ACTBL2: variants seen among roughly 807,000 people sequenced by gnomAD.
ACTBL2 encodes the protein beta-actin-like protein 2.
ACTBL2 carries 29 observed loss-of-function variants against 23.2 expected under a neutral mutation model. The ratio of observed to expected loss-of-function variants is 1.25; its 90% confidence interval spans 0.93 to 1.71. The LOEUF is 1.71. ACTBL2 is among the 40% of genes most tolerant of loss of function. The pLI is 0.00. For synonymous variants in ACTBL2, 173 were observed against 182.1 expected (o/e 0.95, Z 0.40); for missense variants, 524 against 486.2 (o/e 1.08, Z -0.73).
Position 57,482,795 on chromosome 5 carries a change from GA to G in ACTBL2, c.-89del. ...AAGTGAACAGGCCTAAAACACTCCAGAAATGCTTTCAGACACGGGAGGCTGC... is the reference window on the plus strand; with the variant it reads ...AAGTGAACAGGCCTAAAACACTCCAGAATGCTTTCAGACACGGGAGGCTGC... On this transcript the variant is annotated 5_prime_UTR_variant, in exon 1 of 1. Transcript: ENST00000423391. 1 of 1,505,204 alleles carries G rather than the reference GA, an allele frequency of 6.6e-7. No homozygotes were observed. Among genetic ancestry groups the G allele is most frequent in the Non-Finnish European group, 9.0e-7 (1 of 1,112,058 alleles). 93.2% of individuals were successfully genotyped at this position (1,505,204 alleles called of 1,614,324 possible). A position where few individuals can be genotyped will look rare whatever the true frequency, so the allele number is the denominator to read the frequency against.
chr5:57,481,833 T>C lies in ACTBL2; in HGVS notation c.875A>G (p.Lys292Arg), dbSNP rs1745163841. The change falls in exon 1 of 1, where the codon AAG becomes AGG. Residue 292 changes from lysine (K) to arginine (R), a missense_variant. Coordinates refer to ENST00000423391, the MANE Select transcript of ACTBL2 (RefSeq NM_001017992.4). ...TAACACGGTGTTGGCATAGAGATCC[T>C]TGCGAATATCCACATCGCACTTCAT... ...SIMKCDVDIR[K>R]DLYANTVLSG... 1.2e-6 allele frequency: 2 copies of C among 1,614,120 alleles called. No homozygotes were observed.
In ACTBL2 at chr5:57,480,039, A is replaced by G. The variant is rs1745122786; in HGVS notation, c.*1538T>C. Reference sequence around the variant, plus strand: ...AGTATACAAGTATGAAGCAATTTTAATGTACTGAAAGCAAGTTATATAAAA... The same window carrying G: ...AGTATACAAGTATGAAGCAATTTTAGTGTACTGAAAGCAAGTTATATAAAA... On this transcript the variant is annotated 3_prime_UTR_variant, in exon 1 of 1. Coordinates refer to ENST00000423391, the MANE Select transcript of ACTBL2 (RefSeq NM_001017992.4). 1 of 152,168 alleles carries G rather than the reference A, an allele frequency of 6.6e-6. No individual in the cohort carries two copies. The highest frequency in any genetic ancestry group is 2.1e-4 in the South Asian group (1 of 4,830). The allele number at this position is 152,168 out of a possible 1,614,324, so 9.4% of individuals were successfully genotyped here. A position where few individuals can be genotyped will look rare whatever the true frequency, so the allele number is the denominator to read the frequency against.
At position 57,481,827 on chromosome 5, in the gene ACTBL2, A is replaced by C. The variant is rs548697022; in HGVS notation, c.881T>G (p.Leu294Arg). The C allele has an allele frequency of 8.7e-6, 14 of 1,614,102 alleles. No homozygotes were observed. In the East Asian group the frequency reaches 3.1e-4, roughly 36 times the overall value. The change falls in exon 1 of 1, where the codon CTC becomes CGC. Residue 294 changes from leucine to arginine, a missense_variant. By Grantham distance (102) the Leu-to-Arg change is moderately radical (BLOSUM62 -2). Transcript: ENST00000423391. ...MKCDVDIRKD[L>R]YANTVLSGGS... ...TCCAGATAACACGGTGTTGGCATAG[A>C]GATCCTTGCGAATATCCACATCGCA...
At position 57,481,717 on chromosome 5, in the gene ACTBL2, T is replaced by TA. The variant is rs1205804768; in HGVS notation, c.990_991insT (p.Ile331TyrfsTer30). The TA allele has an allele frequency of 6.2e-7, 1 of 1,613,984 alleles. No homozygotes were observed. Among genetic ancestry groups the TA allele is most frequent in the Admixed American group, 1.7e-5 (1 of 60,006 alleles). ...GAATACTTCCGCTCTGGGGGAGCTA[T>TA]GATCTTGATTTTCATGGTGCTGGGT... On this transcript the variant is annotated frameshift_variant, in exon 1 of 1. Transcript: ENST00000423391. LOFTEE classifies it high-confidence loss of function.
In ACTBL2 at chr5:57,481,026, A is replaced by G. The variant is rs1745144027; in HGVS notation, c.*551T>C. On this transcript the variant is annotated 3_prime_UTR_variant, in exon 1 of 1. Transcript: ENST00000423391. ...TCACATTAGCTGTTCAGATAGCTAG[A>G]TACATCAGCATATTTCACAATATAT... 1 of 152,792 alleles carries G rather than the reference A, an allele frequency of 6.5e-6. No homozygotes were observed. Among genetic ancestry groups the G allele is most frequent in the Admixed American group, 6.5e-5 (1 of 15,356 alleles). 9.5% of individuals were successfully genotyped at this position (152,792 alleles called of 1,614,324 possible).
rs1745167173 is a variant in ACTBL2, at chr5:57,481,930, C to T, written c.778G>A (p.Glu260Lys). 6.2e-7 allele frequency: 1 copy of T among 1,614,096 alleles called. No homozygotes were observed. Among genetic ancestry groups the T allele is most frequent in the Non-Finnish European group, 8.5e-7 (1 of 1,180,024 alleles). ...TIGNERFRCPEAIFQPSFLGI... is the reference protein window; with the variant it reads ...TIGNERFRCPKAIFQPSFLGI... ...AGAAAGGAAGGCTGGAAAATGGCTT[C>T]AGGGCATCGGAAGCGTTCATTCCCA... Residue 260 changes from glutamate (E) to lysine (K), a missense_variant, in exon 1 of 1, where the codon GAA becomes AAA. Coordinates refer to ENST00000423391, the MANE Select transcript of ACTBL2 (RefSeq NM_001017992.4).
rs747221442 is a variant in ACTBL2, at chr5:57,481,388, A to G, written c.*189T>C. 51 of 663,022 alleles carry G rather than the reference A, an allele frequency of 7.7e-5. No homozygotes were observed. The highest frequency in any genetic ancestry group is 8.5e-5 in the Non-Finnish European group (34 of 397,884). The allele number at this position is 663,022 out of a possible 1,614,324, so 41.1% of individuals were successfully genotyped here. A position where few individuals can be genotyped will look rare whatever the true frequency, so the allele number is the denominator to read the frequency against. On this transcript the variant is annotated 3_prime_UTR_variant, in exon 1 of 1. Coordinates refer to ENST00000423391, the MANE Select transcript of ACTBL2 (RefSeq NM_001017992.4). ...GAATATGGTATTAGAATTCACCTTCACTTGATGGAGAACCGGATGTGGTTA... is the reference window on the plus strand; with the variant it reads ...GAATATGGTATTAGAATTCACCTTCGCTTGATGGAGAACCGGATGTGGTTA...
Position 57,481,814 on chromosome 5 carries a change from G to T in ACTBL2, c.894C>A (p.Thr298=), listed in dbSNP as rs748822379. The change falls in exon 1 of 1, where the codon ACC becomes ACA. Residue 298 remains threonine (T), a synonymous_variant. Transcript: ENST00000423391. ...VDIRKDLYAN[T]VLSGGSTMYP... ...ACATGGTGCTCCCTCCAGATAACAC[G>T]GTGTTGGCATAGAGATCCTTGCGAA... The T allele has an allele frequency of 2.8e-5, 45 of 1,613,928 alleles. No individual in the cohort carries two copies. In the Admixed American group the frequency reaches 7.3e-4, roughly 26 times the overall value.
rs754472615 is a variant in ACTBL2, at chr5:57,482,684, G to T, written c.24C>A (p.Ala8=). 6.2e-7 allele frequency: 1 copy of T among 1,613,820 alleles called. No homozygotes were observed. Among genetic ancestry groups the T allele is most frequent in the East Asian group, 2.2e-5 (1 of 44,866 alleles). The change falls in exon 1 of 1, where the codon GCC becomes GCA. Residue 8 remains alanine, a synonymous_variant. Transcript: ENST00000423391. ...TCCCTGACCCATTATCCACTACCAA[G>T]GCAGACAGCTCATTGTCAGTCATGG... The part of the protein sequence containing the change: MTDNELS[A]LVVDNGSGMC...
rs763832753 is a variant in ACTBL2 at position 57,482,196 on chromosome 5, G to A, written c.512C>T (p.Ala171Val). 2.1e-4 allele frequency: 341 copies of A among 1,614,140 alleles called. 3 individuals are homozygous for A. The Middle Eastern group carries it at 4.5e-3, about 21-fold the overall frequency. The change falls in exon 1 of 1, where the codon GCC becomes GTC. Residue 171 changes from alanine (A) to valine (V), a missense_variant. Ala to Val is a moderately conservative substitution (Grantham distance 64). Coordinates refer to ENST00000423391, the MANE Select transcript of ACTBL2 (RefSeq NM_001017992.4). Reference sequence around the variant, plus strand: ...CAGGCGTAGAATGGCATGAGGCAGGGCATAACCTTCATAGATGGGCACGAT... The same window carrying A: ...CAGGCGTAGAATGGCATGAGGCAGGACATAACCTTCATAGATGGGCACGAT... ...THIVPIYEGY[A>V]LPHAILRLDL...
rs767127525 is a variant in ACTBL2 at position 57,482,055 on chromosome 5, C to A, written c.653G>T (p.Cys218Phe). The A allele has an allele frequency of 5.0e-6, 8 of 1,614,066 alleles. No individual in the cohort carries two copies. The highest frequency in any genetic ancestry group is 5.9e-6 in the Non-Finnish European group (7 of 1,180,032). The part of the protein sequence containing the change: ...EIVRDVKEKL[C>F]YVALDFEQEM... ...CTGCTCAAAGTCCAGGGCTACGTAG[C>A]ACAGCTTCTCTTTGACATCTCGCAC... The change falls in exon 1 of 1, where the codon TGC (cysteine) becomes TTC (phenylalanine). Residue 218 changes from cysteine (C) to phenylalanine (F), a missense_variant. Cys to Phe is a radical substitution (Grantham distance 205, BLOSUM62 -2). Transcript: ENST00000423391.
In ACTBL2 at chr5:57,481,677, C is replaced by T; in HGVS notation, c.1031G>A (p.Gly344Asp). 2 of 1,614,000 alleles carry T rather than the reference C, an allele frequency of 1.2e-6. No homozygotes were observed. The highest frequency in any genetic ancestry group is 1.7e-6 in the Non-Finnish European group (2 of 1,180,012). ...PERKYSVWIG[G>D]SILASLSTFQ... ...TGTGGACAGGCTGGCAAGGATGGAGCCCCCAATCCAAACAGAATACTTCCG... is the reference window on the plus strand; with the variant it reads ...TGTGGACAGGCTGGCAAGGATGGAGTCCCCAATCCAAACAGAATACTTCCG... The change falls in exon 1 of 1, where the codon GGC (glycine) becomes GAC (aspartate). Residue 344 changes from glycine to aspartate, a missense_variant. Transcript: ENST00000423391.
At position 57,482,413 on chromosome 5, in the gene ACTBL2, G is replaced by T; in HGVS notation, c.295C>A (p.Pro99Thr). The T allele has an allele frequency of 6.2e-7, 1 of 1,614,114 alleles. No homozygotes were observed. The highest frequency in any genetic ancestry group is 8.5e-7 in the Non-Finnish European group (1 of 1,180,028). ...GTGAGGAGGATGGGATGCTCATCTG[G>T]TGCCACACGGAGCTCATTGTAGAAT... ...HTFYNELRVA[P>T]DEHPILLTEA... Residue 99 changes from proline to threonine, a missense_variant, in exon 1 of 1, where the codon CCA becomes ACA. Coordinates refer to ENST00000423391, the MANE Select transcript of ACTBL2 (RefSeq NM_001017992.4).
At position 57,481,606 on chromosome 5, in the gene ACTBL2, G is replaced by C. The variant is rs1406887818; in HGVS notation, c.1102C>G (p.Pro368Ala). ...ISKQEYDEAG[P>A]PIVHRKCF ...AAACATTTTCTGTGAACGATAGGAGGACCAGCCTCATCATATTCCTGCTTA... is the reference window on the plus strand; with the variant it reads ...AAACATTTTCTGTGAACGATAGGAGCACCAGCCTCATCATATTCCTGCTTA... Residue 368 changes from proline (P) to alanine (A), a missense_variant, in exon 1 of 1, where the codon CCT becomes GCT. Pro to Ala is a conservative substitution (Grantham distance 27, BLOSUM62 -1). Coordinates refer to ENST00000423391, the MANE Select transcript of ACTBL2 (RefSeq NM_001017992.4). 2.5e-6 allele frequency: 4 copies of C among 1,613,520 alleles called. No individual in the cohort carries two copies.
Position 57,481,863 on chromosome 5 carries a change from G to C in ACTBL2, c.845C>G (p.Ser282Cys). ...AATATCCACATCGCACTTCATGATAGAGTTGAAGGTTGTCTCATGGATCCC... is the reference window on the plus strand; with the variant it reads ...AATATCCACATCGCACTTCATGATACAGTTGAAGGTTGTCTCATGGATCCC... The part of the protein sequence containing the change: ...SSGIHETTFN[S>C]IMKCDVDIRK... Residue 282 changes from serine (S) to cysteine (C), a missense_variant, in exon 1 of 1, where the codon TCT (serine) becomes TGT (cysteine). Coordinates refer to ENST00000423391, the MANE Select transcript of ACTBL2 (RefSeq NM_001017992.4). The C allele has an allele frequency of 6.2e-7, 1 of 1,614,114 alleles. No homozygotes were observed. Among genetic ancestry groups the C allele is most frequent in the South Asian group, 1.1e-5 (1 of 91,034 alleles).
rs539790846 is a variant in ACTBL2 at position 57,480,646 on chromosome 5, C to T, written c.*931G>A. The T allele has an allele frequency of 1.4e-4, 22 of 152,114 alleles. No homozygotes were observed. The highest frequency in any genetic ancestry group is 2.4e-4 in the Non-Finnish European group (16 of 67,948). 9.4% of individuals were successfully genotyped at this position (152,114 alleles called of 1,614,324 possible). ...AGCTATATTTTCCCACAGTGAAATC[C>T]TTGCACAAGAGAAGTATCTGTAATC... On this transcript the variant is annotated 3_prime_UTR_variant, in exon 1 of 1. Transcript: ENST00000423391.
Position 57,480,292 on chromosome 5 carries a change from C to T in ACTBL2, c.*1285G>A, listed in dbSNP as rs1745127363. On this transcript the variant is annotated 3_prime_UTR_variant, in exon 1 of 1. Coordinates refer to ENST00000423391, the MANE Select transcript of ACTBL2 (RefSeq NM_001017992.4). ...CCTTATAATGCCTGAATAAGCAATC[C>T]AAATAAATATTTTAAATTTTCAGAA... The T allele has an allele frequency of 6.6e-6, 1 of 151,828 alleles. No individual in the cohort carries two copies. Among genetic ancestry groups the T allele is most frequent in the Non-Finnish European group, 1.5e-5 (1 of 67,906 alleles). 9.4% of individuals were successfully genotyped at this position (151,828 alleles called of 1,614,324 possible). A position where few individuals can be genotyped will look rare whatever the true frequency, so the allele number is the denominator to read the frequency against.
Position 57,482,206 on chromosome 5 carries a change from C to A in ACTBL2, c.502G>T (p.Glu168Ter). 6.2e-7 allele frequency: 1 copy of A among 1,614,144 alleles called. No homozygotes were observed. The highest frequency in any genetic ancestry group is 8.5e-7 in the Non-Finnish European group (1 of 1,180,034). ...ATGGCATGAGGCAGGGCATAACCTTCATAGATGGGCACGATGTGAGTGACC... is the reference window on the plus strand; with the variant it reads ...ATGGCATGAGGCAGGGCATAACCTTAATAGATGGGCACGATGTGAGTGACC... ...DGVTHIVPIY[E>*]GYALPHAILR... Residue 168 changes from glutamate (E) to a stop codon, truncating the protein, a stop_gained, in exon 1 of 1, where the codon GAA (glutamate) becomes TAA (stop). Transcript: ENST00000423391. LOFTEE classifies it high-confidence loss of function.
In ACTBL2 at chr5:57,481,689, A is replaced by G. The variant is rs1461326030; in HGVS notation, c.1019T>C (p.Val340Ala). The G allele has an allele frequency of 6.2e-7, 1 of 1,614,058 alleles. No individual in the cohort carries two copies. Among genetic ancestry groups the G allele is most frequent in the East Asian group, 2.2e-5 (1 of 44,856 alleles). The change falls in exon 1 of 1, where the codon GTT becomes GCT. Residue 340 changes from valine to alanine, a missense_variant. Coordinates refer to ENST00000423391, the MANE Select transcript of ACTBL2 (RefSeq NM_001017992.4). Reference sequence around the variant, plus strand: ...GGCAAGGATGGAGCCCCCAATCCAAACAGAATACTTCCGCTCTGGGGGAGC... The same window carrying G: ...GGCAAGGATGGAGCCCCCAATCCAAGCAGAATACTTCCGCTCTGGGGGAGC... ...IIAPPERKYS[V>A]WIGGSILASL... is the part of the protein sequence containing the mutation.
Sources: gnomAD v4.1 joint callset for allele counts on GRCh38, gnomAD v4.1.1 for gene constraint, MANE v1.5 for transcripts, NCBI Gene and HGNC (gene_info 2026-07-23, HGNC 2026-07-21) for gene names.